Variants in GRIN3A observed in about 807,000 individuals in gnomAD.
GRIN3A encodes glutamate ionotropic receptor NMDA type subunit 3A.
GRIN3A carries 47 observed loss-of-function variants against 92.4 expected under a neutral mutation model. That is an observed-to-expected ratio of 0.51 (90% CI 0.40 to 0.65). The LOEUF is 0.65. GRIN3A is among the 30% of genes least tolerant of loss of function. The pLI, the probability that GRIN3A is intolerant of heterozygous loss-of-function variation, is 0.00. For synonymous variants in GRIN3A, 527 were observed against 540.6 expected, an observed-to-expected ratio of 0.97 and a Z score of 0.35; for missense variants, 1,324 against 1,393.1, an observed-to-expected ratio of 0.95 and a Z score of 0.79.
intron 6 of GRIN3A, among the ~76,000 whole-genome samples, chr9:101,608,778 T>C (rs1828319913): frequency 6.6e-6 from 1 of 152,208 alleles, no homozygotes; most frequent in South Asian, 2.1e-4. Context: ...GATTCAAATA[T>C]AGAACTGTCT....
chr9:101,647,251 CAT>C (rs1481181588), intron 3 of GRIN3A, among the ~76,000 whole-genome samples: 11 of 151,788 alleles, frequency 7.2e-5, no homozygotes, highest in Non-Finnish European at 1.3e-4. Flanking sequence ...TTGAAATGAT[CAT>C]ATGTTTTTTG....
chr9:101,708,339 C>A (rs117180711), intron 1 of GRIN3A, among the ~76,000 whole-genome samples: 1 of 152,108 alleles, frequency 6.6e-6, no homozygotes, highest in African/African-American at 2.4e-5. Context: ...TGGAATTATA[C>A]GTCTTTTATG....
At chr9:101,637,876 C>G (rs954652502) in intron 3 of GRIN3A, among the ~76,000 whole-genome samples, 1 of 152,134 alleles carries the variant, frequency 6.6e-6, no homozygotes, top group African/African-American at 2.4e-5. Context: ...AAGGGACTTG[C>G]TCCAGGTCAC....
At position 101,628,947 on chromosome 9, in the gene GRIN3A, A is replaced by T. The variant is rs567639836; in HGVS notation, c.2353-546T>A. ...TTCTCATCTAGGAGGGAGATAATAC[A>T]GAGTATTTTTTTTAATAATTAGGTT... On this transcript the variant is annotated intron_variant, in intron 3 of 8. Transcript: ENST00000361820. 2.0e-5 allele frequency among the ~76,000 whole-genome samples: 3 copies of T among 149,702 alleles called. No individual in the cohort carries two copies. In the South Asian group the frequency reaches 6.2e-4, roughly 31 times the overall value.
At chr9:101,694,342 CA>C (rs1365139098) in intron 1 of GRIN3A, among the ~76,000 whole-genome samples, 2 of 151,802 alleles carry the variant, frequency 1.3e-5, no homozygotes, top group African/African-American at 4.8e-5. Context: ...ATAGCAGGAG[CA>C]TGCATATTAC....
intron 1 of GRIN3A, among the ~76,000 whole-genome samples, chr9:101,696,145 T>C (rs984354180): frequency 6.6e-6 from 1 of 152,194 alleles, no homozygotes; most frequent in Non-Finnish European, 1.5e-5. Flanking sequence ...AGATCCGGAC[T>C]CTTGTCAGGA....
intron 6 of GRIN3A, among the ~76,000 whole-genome samples, chr9:101,582,933 T>C (rs1179702936): frequency 6.6e-6 from 1 of 152,238 alleles, no homozygotes; most frequent in Admixed American, 6.5e-5. Context: ...GTTTATATTA[T>C]ACATTTTTTT....
chr9:101,736,058 C>A (rs1237638726), intron 1 of GRIN3A, among the ~76,000 whole-genome samples: 1 of 152,114 alleles, frequency 6.6e-6, no homozygotes, highest in African/African-American at 2.4e-5. Flanking sequence ...TGTACATTGC[C>A]CTTACTCATT....
intron 3 of GRIN3A, among the ~76,000 whole-genome samples, chr9:101,631,331 T>C (rs1437729192): frequency 6.6e-6 from 1 of 152,218 alleles, no homozygotes; most frequent in African/African-American, 2.4e-5. Flanking sequence ...GCTAACAGTA[T>C]AGCTTACAAC....
chr9:101,669,971 T>C lies in GRIN3A; in HGVS notation c.2352+89A>G, dbSNP rs1588274999. On this transcript the variant is annotated intron_variant, in intron 3 of 8. Transcript: ENST00000361820. ...GCTGAGAGAATATTCCTGTGTTAGATGGAAGAACATGAGCATACTACAGCA... is the reference window on the plus strand; with the variant it reads ...GCTGAGAGAATATTCCTGTGTTAGACGGAAGAACATGAGCATACTACAGCA... 21 of 1,004,592 alleles carry C rather than the reference T, an allele frequency of 2.1e-5. No homozygotes were observed. The East Asian group carries it at 4.6e-4, about 22-fold the overall frequency. 62.2% of individuals were successfully genotyped at this position (1,004,592 alleles called of 1,614,324 possible).
chr9:101,686,569 G>A (rs1322150353), intron 2 of GRIN3A, 27 bp downstream of exon 2: 24 of 1,613,420 alleles, frequency 1.5e-5, no homozygotes, highest in Non-Finnish European at 2.0e-5. Flanking sequence ...CTATGAATGG[G>A]GATATAACCG....
chr9:101,738,066 T>C lies in GRIN3A; in HGVS notation c.-87A>G. ...GCTGCCTGAGGTCTCCGCCTCCAGG[T>C]CCCGCGCGCAGCTTCACTCCACTCG... On this transcript the variant is annotated 5_prime_UTR_variant, in exon 1 of 9. Transcript: ENST00000361820. The C allele has an allele frequency of 8.7e-7, 1 of 1,154,220 alleles. No individual in the cohort carries two copies. The highest frequency in any genetic ancestry group is 1.2e-6 in the Non-Finnish European group (1 of 800,720). 71.5% of individuals were successfully genotyped at this position (1,154,220 alleles called of 1,614,324 possible). A position where few individuals can be genotyped will look rare whatever the true frequency, so the allele number is the denominator to read the frequency against.
chr9:101,723,803 C>T (rs977426632), intron 1 of GRIN3A, among the ~76,000 whole-genome samples: 17 of 152,102 alleles, frequency 1.1e-4, no homozygotes, highest in Admixed American at 6.5e-5. Flanking sequence ...GAGCTAGACA[C>T]TGGGTGCTGA....
intron 4 of GRIN3A, among the ~76,000 whole-genome samples, chr9:101,625,479 A>C (rs556989063): frequency 3.5e-4 from 54 of 152,358 alleles, no homozygotes; most frequent in African/African-American, 1.2e-3. Context: ...GGTCATGTAT[A>C]GACACATAGT....
intron 5 of GRIN3A, among the ~76,000 whole-genome samples, chr9:101,615,827 G>C (rs779156378): frequency 1.7e-4 from 26 of 148,684 alleles, no homozygotes; most frequent in Non-Finnish European, 7.4e-5. Context: ...TGCTGTTGTT[G>C]AAAACTATTG....
chr9:101,671,154 T>A (rs1885980), intron 2 of GRIN3A, 47 bp from the exon 3 acceptor site: 474,359 of 1,265,550 alleles, frequency 0.37, 92,739 homozygotes, highest in Non-Finnish European at 0.4. Context: ...CAGTGAGGCC[T>A]AAGATAGGAA....
chr9:101,709,486 T>C (rs1829852384), intron 1 of GRIN3A, among the ~76,000 whole-genome samples: 1 of 152,174 alleles, frequency 6.6e-6, no homozygotes, highest in South Asian at 2.1e-4. Flanking sequence ...ACGAATTCCA[T>C]AGTTGATGTT....
At chr9:101,619,969 A>G (rs1171788102) in intron 5 of GRIN3A, among the ~76,000 whole-genome samples, 1 of 152,172 alleles carries the variant, frequency 6.6e-6, no homozygotes, top group Non-Finnish European at 1.5e-5. Flanking sequence ...TTGCTTTGCT[A>G]TATACTGCGT....
intron 1 of GRIN3A, among the ~76,000 whole-genome samples, chr9:101,701,727 C>T (rs564813454): frequency 4.6e-5 from 7 of 152,280 alleles, no homozygotes; most frequent in Non-Finnish European, 5.9e-5. Flanking sequence ...AGAGCTTCTG[C>T]ACAGCAAAAG....
Sources: gnomAD v4.1 joint callset for allele counts (sites outside exome capture counted in the v4.1 genomes callset) on GRCh38, gnomAD v4.1.1 for gene constraint, MANE v1.5 for transcripts, NCBI Gene and HGNC (gene_info 2026-07-23, HGNC 2026-07-21) for gene names.